SPPL2A: variants seen among roughly 807,000 people sequenced by gnomAD.
SPPL2A encodes the protein signal peptide peptidase like 2A.
A neutral mutation model predicts 63.8 loss-of-function variants in SPPL2A; 51 were observed. That is an observed-to-expected ratio of 0.80 (90% CI 0.64 to 1.01). The LOEUF is 1.01. Among genes scored for constraint, SPPL2A ranks in the 50% least tolerant of loss-of-function variants. The pLI is 0.00. For synonymous variants in SPPL2A, 188 were observed against 205.8 expected, an observed-to-expected ratio of 0.91 and a Z score of 0.74; for missense variants, 553 against 622.7, an observed-to-expected ratio of 0.89 and a Z score of 1.19.
At position 50,748,164 on chromosome 15, in the gene SPPL2A, C is replaced by G; in HGVS notation, c.399G>C (p.Val133=). The change falls in exon 4 of 15, where the codon GTG becomes GTC. Residue 133 remains valine (V), a synonymous_variant. Transcript: ENST00000261854. ...PSGNRSEFPD[V]KILIAFISYK... is the part of the protein sequence containing the mutation. ...AGCTTATAAATGCAATCAGTATTTT[C>G]ACATCAGGAAATTCAGATCTGTTAC... is the stretch of plus-strand genomic sequence containing the variant. 1 of 1,514,646 alleles carries G rather than the reference C, an allele frequency of 6.6e-7. No individual in the cohort carries two copies. The highest frequency in any genetic ancestry group is 1.4e-5 in the African/African-American group (1 of 70,572). The allele number at this position is 1,514,646 out of a possible 1,614,324, so 93.8% of individuals were successfully genotyped here.
At chr15:50,762,798 T>C (rs1193783318) in intron 1 of SPPL2A, among the ~76,000 whole-genome samples, 1 of 150,776 alleles carries the variant, frequency 6.6e-6, no homozygotes, top group African/African-American at 2.4e-5. Flanking sequence ...AGTGGCACGA[T>C]CTTGGCTTAC....
chr15:50,735,727 T>C (rs1327761146), intron 8 of SPPL2A, among the ~76,000 whole-genome samples: 4 of 151,956 alleles, frequency 2.6e-5, no homozygotes, highest in African/African-American at 9.7e-5. Context: ...AGGCATGCAC[T>C]ACCACGCCTG....
At position 50,703,356 on chromosome 15, in the gene SPPL2A, A is replaced by ATATATTTTTTTT. The variant is rs1196710672; in HGVS notation, c.*4443_*4444insAAAAAAAATATA. 4.8e-5 allele frequency: 3 copies of ATATATTTTTTTT among 62,042 alleles called. No homozygotes were observed. Among genetic ancestry groups the ATATATTTTTTTT allele is most frequent in the African/African-American group, 2.1e-4 (3 of 14,240 alleles). The allele number at this position is 62,042 out of a possible 1,614,324, so 3.8% of individuals were successfully genotyped here. ...TATATATATATATATACATATATAT[A>ATATATTTTTTTT]TTTTTTTTTTTTTTTTTTTTTTTTG... is the stretch of plus-strand genomic sequence containing the variant. On this transcript the variant is annotated 3_prime_UTR_variant, in exon 15 of 15. Transcript: ENST00000261854.
intron 6 of SPPL2A, among the ~76,000 whole-genome samples, chr15:50,737,161 C>T (rs1378013453): frequency 2.6e-5 from 4 of 152,050 alleles, no homozygotes; most frequent in Non-Finnish European, 5.9e-5. Context: ...ATATGCCTGC[C>T]TTGGCCTCCA....
Position 50,707,570 on chromosome 15 carries a change from C to T in SPPL2A, c.*230G>A, listed in dbSNP as rs551144626. 8.5e-6 allele frequency: 4 copies of T among 471,458 alleles called. No individual in the cohort carries two copies. Among genetic ancestry groups the T allele is most frequent in the African/African-American group, 3.9e-5 (2 of 51,182 alleles). 29.2% of individuals were successfully genotyped at this position (471,458 alleles called of 1,614,324 possible). A position where few individuals can be genotyped will look rare whatever the true frequency, so the allele number is the denominator to read the frequency against. The stretch of plus-strand genomic sequence containing the variant: ...AAAATATACTGTATATAGTACATCT[C>T]GGAAACTACACAGACCATATGTTTT... On this transcript the variant is annotated 3_prime_UTR_variant, in exon 15 of 15. Coordinates refer to ENST00000261854, the MANE Select transcript of SPPL2A (RefSeq NM_032802.4).
At chr15:50,761,880 C>T (rs1304846747) in intron 1 of SPPL2A, among the ~76,000 whole-genome samples, 2 of 150,906 alleles carry the variant, frequency 1.3e-5, no homozygotes, top group South Asian at 4.2e-4. Flanking sequence ...TGCAGTGAGC[C>T]GAGATAAGGC....
intron 1 of SPPL2A, among the ~76,000 whole-genome samples, chr15:50,752,905 C>T (rs1445724304): frequency 5.9e-5 from 9 of 152,074 alleles, no homozygotes. Context: ...GTGCATGCTG[C>T]TGCTCAAGTG....
intron 1 of SPPL2A, among the ~76,000 whole-genome samples, chr15:50,758,465 T>C (rs1162659488): frequency 6.6e-6 from 1 of 151,658 alleles, no homozygotes; most frequent in Non-Finnish European, 1.5e-5. Flanking sequence ...CCCGAGTTGC[T>C]GGGACAAGAG....
chr15:50,723,323 C>T (rs2062662459), intron 12 of SPPL2A, among the ~76,000 whole-genome samples: 1 of 152,208 alleles, frequency 6.6e-6, no homozygotes, highest in East Asian at 1.9e-4. Context: ...TCCAAAGGAA[C>T]TGAAATCAGT....
At chr15:50,764,875 A>G (rs2063043935) in intron 1 of SPPL2A, among the ~76,000 whole-genome samples, 1 of 151,834 alleles carries the variant, frequency 6.6e-6, no homozygotes, top group Non-Finnish European at 1.5e-5. Context: ...TCTTCTTTTA[A>G]AAGTTATTTT....
Position 50,707,809 on chromosome 15 carries a change from G to C in SPPL2A, c.1554C>G (p.Val518=), listed in dbSNP as rs146593203. The C allele has an allele frequency of 2.0e-3, 3,035 of 1,538,102 alleles. 3 individuals carry two copies. The highest frequency in any genetic ancestry group is 2.6e-3 in the Non-Finnish European group (2,886 of 1,110,900). ...ENPVISGEQI[V]QQ ...GCAGTTCCACATAATATTATTGCTG[G>C]ACAATCTGTTCACCAGATATCACAG... Residue 518 remains valine (V), a synonymous_variant, in exon 15 of 15, where the codon GTC becomes GTG. Transcript: ENST00000261854.
At position 50,732,885 on chromosome 15, in the gene SPPL2A, T is replaced by C. The variant is rs552231962; in HGVS notation, c.933-201A>G. ...CTAACTGCAACCTTCACCTCCTGGGTTCAAGTGATTTTCATGTCTCAGCTT... is the reference window on the plus strand; with the variant it reads ...CTAACTGCAACCTTCACCTCCTGGGCTCAAGTGATTTTCATGTCTCAGCTT... On this transcript the variant is annotated intron_variant, in intron 8 of 14. Transcript: ENST00000261854. Among the ~76,000 whole-genome samples, 6 of 152,016 alleles carry C rather than the reference T, an allele frequency of 3.9e-5. No homozygotes were observed. The South Asian group carries it at 1.2e-3, about 32-fold the overall frequency.
At chr15:50,761,946 G>T (rs1194589515) in intron 1 of SPPL2A, among the ~76,000 whole-genome samples, 3 of 149,124 alleles carry the variant, frequency 2.0e-5, no homozygotes, top group Non-Finnish European at 4.5e-5. Context: ...AAAAAAAAAA[G>T]AGAGCCAGCA....
At chr15:50,737,660 C>A (rs2062782444) in intron 6 of SPPL2A, among the ~76,000 whole-genome samples, 1 of 151,724 alleles carries the variant, frequency 6.6e-6, no homozygotes, top group Admixed American at 6.6e-5. Flanking sequence ...ACTATGTTGG[C>A]CAGGCTGCTC....
chr15:50,758,106 G>A (rs1872772372), intron 1 of SPPL2A, among the ~76,000 whole-genome samples: 1 of 150,766 alleles, frequency 6.6e-6, no homozygotes, highest in Admixed American at 6.6e-5. Context: ...GGCTAACACG[G>A]TGAAACCCCG....
intron 3 of SPPL2A, 149 bp from the exon 4 acceptor site, chr15:50,748,351 T>C (rs2062876180): frequency 2.3e-6 from 1 of 428,602 alleles, no homozygotes; most frequent in African/African-American, 2.1e-5. Flanking sequence ...GTTCTCAAAA[T>C]TGAATCCTTT....
At chr15:50,728,295 G>A (rs1452535619) in intron 10 of SPPL2A, among the ~76,000 whole-genome samples, 1 of 152,062 alleles carries the variant, frequency 6.6e-6, no homozygotes, top group Admixed American at 6.6e-5. Flanking sequence ...ACACACTTTT[G>A]AACCAAGTTA....
intron 6 of SPPL2A, among the ~76,000 whole-genome samples, chr15:50,738,938 T>G (rs1332479862): frequency 1.3e-5 from 2 of 152,168 alleles, no homozygotes; most frequent in South Asian, 2.1e-4. Flanking sequence ...TAAAACATCT[T>G]GATTTGCAAA....
chr15:50,742,009 A>C (rs866500300), intron 5 of SPPL2A, among the ~76,000 whole-genome samples: 8 of 152,216 alleles, frequency 5.3e-5, no homozygotes, highest in African/African-American at 1.9e-4. Context: ...TTTTGAAAAA[A>C]AAAATTGTAC....
Sources: gnomAD v4.1 joint callset for allele counts (sites outside exome capture counted in the v4.1 genomes callset) on GRCh38, gnomAD v4.1.1 for gene constraint, MANE v1.5 for transcripts, NCBI Gene and HGNC (gene_info 2026-07-23, HGNC 2026-07-21) for gene names.